The following CPED1 variants were observed in gnomAD, a reference collection of about 807,000 sequenced individuals.
CPED1 encodes the protein cadherin like and PC-esterase domain containing 1, also known as cadherin-like and PC-esterase domain-containing protein 1.
A neutral mutation model predicts 128.2 loss-of-function variants in CPED1; 114 were observed. That is an observed-to-expected ratio of 0.89 (90% confidence interval 0.76 to 1.04). CPED1 has a LOEUF of 1.04. Ranked by LOEUF, CPED1 falls within the 50% of genes least tolerant of loss-of-function variation. CPED1 has a pLI of 0.00. For synonymous variants in CPED1, 462 were observed against 426.7 expected (o/e 1.08, Z -1.02); for missense variants, 1,211 against 1,207.1 (o/e 1.00, Z -0.05).
At chr7:121,123,066 G>A (rs1429991216) in intron 7 of CPED1, among the ~76,000 whole-genome samples, 1 of 152,122 alleles carries the variant, frequency 6.6e-6, no homozygotes, top group Non-Finnish European at 1.5e-5. Context: ...ACTCTGCTTT[G>A]AATCAAGGGT....
chr7:121,094,308 TATTA>T (rs918618510), intron 5 of CPED1, among the ~76,000 whole-genome samples: 8 of 152,306 alleles, frequency 5.3e-5, no homozygotes, highest in South Asian at 2.1e-4. Context: ...ATTACTTCCC[TATTA>T]ATTATTAGTT....
intron 9 of CPED1, among the ~76,000 whole-genome samples, chr7:121,126,501 A>G (rs150828136): frequency 6.6e-6 from 1 of 152,228 alleles, no homozygotes; most frequent in African/African-American, 2.4e-5. Context: ...AAATTAGTCT[A>G]TAGAAAGTTC....
intron 16 of CPED1, among the ~76,000 whole-genome samples, chr7:121,202,800 G>A (rs1325987270): frequency 6.6e-6 from 1 of 152,048 alleles, no homozygotes; most frequent in Non-Finnish European, 1.5e-5. Context: ...GCCTGATTGG[G>A]AAATAATTAA....
In CPED1 at chr7:121,266,463, A is replaced by G; in HGVS notation, c.2531+16A>G. ...TCTTGCAAAGGTACAATGAAACTAT[A>G]ATGAAAGACACAAAACCCACAAAGT... is the stretch of plus-strand genomic sequence containing the variant. On this transcript the variant is annotated intron_variant, in intron 19 of 22. Transcript: ENST00000310396. 1.9e-6 allele frequency: 3 copies of G among 1,593,124 alleles called. No individual in the cohort carries two copies. The highest frequency in any genetic ancestry group is 2.6e-6 in the Non-Finnish European group (3 of 1,161,344).
chr7:121,123,896 A>G (rs1332317225), intron 7 of CPED1, among the ~76,000 whole-genome samples: 1 of 152,214 alleles, frequency 6.6e-6, no homozygotes, highest in African/African-American at 2.4e-5. Context: ...TTCATACTTT[A>G]ACATGACTTT....
At chr7:121,136,151 GA>G (rs201053827) in intron 14 of CPED1, 61 bp downstream of exon 14, 98 of 1,441,208 alleles carry the variant, frequency 6.8e-5, no homozygotes, top group South Asian at 8.5e-5. Context: ...GCCTTACTTT[GA>G]AAAAAAATGC....
chr7:121,260,602 G>A (rs746357926), intron 18 of CPED1, among the ~76,000 whole-genome samples: 2 of 151,596 alleles, frequency 1.3e-5, no homozygotes, highest in Non-Finnish European at 2.9e-5. Context: ...CTTGGCTCTG[G>A]ACCTAGATGT....
intron 8 of CPED1, 46 bp downstream of exon 8, chr7:121,124,519 C>A (rs798948): frequency 0.9 from 1,187,411 of 1,322,402 alleles, 533,691 homozygotes; most frequent in East Asian, 0.96. Context: ...AGAAAGAAAG[C>A]AACCTATCTT....
At chr7:121,128,530 T>TA (rs1338217750) in intron 11 of CPED1, 44 bp downstream of exon 11, 1 of 994,712 alleles carries the variant, frequency 1.0e-6, no homozygotes, top group African/African-American at 1.6e-5. Flanking sequence ...TGACTGGGAT[T>TA]AGAGTAGATC....
chr7:121,182,818 G>A (rs943547762), intron 16 of CPED1, among the ~76,000 whole-genome samples: 10 of 151,930 alleles, frequency 6.6e-5, no homozygotes, highest in Non-Finnish European at 1.3e-4. Context: ...GTGTCATTGC[G>A]AACATTAATT....
chr7:121,270,418 G>C (rs1481366256), intron 21 of CPED1, among the ~76,000 whole-genome samples: 1 of 151,956 alleles, frequency 6.6e-6, no homozygotes, highest in East Asian at 1.9e-4. Flanking sequence ...TTTTGGTTTT[G>C]GTACAATTGT....
At chr7:121,255,048 A>G (rs542487167) in intron 18 of CPED1, among the ~76,000 whole-genome samples, 3 of 152,232 alleles carry the variant, frequency 2.0e-5, no homozygotes, top group African/African-American at 7.2e-5. Context: ...ATTCCTCCTT[A>G]ACTCATTCTA....
intron 18 of CPED1, among the ~76,000 whole-genome samples, chr7:121,261,203 TTTAAA>T (rs1486620775): frequency 6.6e-6 from 1 of 152,108 alleles, no homozygotes; most frequent in African/African-American, 2.4e-5. Context: ...TCATTGTACA[TTTAAA>T]TTAAAAGTTC....
chr7:121,216,008 G>A (rs1452682460), intron 16 of CPED1, among the ~76,000 whole-genome samples: 3 of 151,926 alleles, frequency 2.0e-5, no homozygotes, highest in Admixed American at 6.6e-5. Context: ...TAAGCAACTT[G>A]CCCAAGACCA....
At chr7:121,191,140 G>A (rs1797127512) in intron 16 of CPED1, among the ~76,000 whole-genome samples, 1 of 151,992 alleles carries the variant, frequency 6.6e-6, no homozygotes, top group Non-Finnish European at 1.5e-5. Context: ...AGGTGCTTGG[G>A]GGAAAAAAGT....
chr7:121,128,945 T>A (rs967262541), intron 11 of CPED1, among the ~76,000 whole-genome samples: 2 of 152,034 alleles, frequency 1.3e-5, no homozygotes, highest in African/African-American at 4.8e-5. Context: ...CTTATAACTC[T>A]ATATCAAACT....
chr7:121,293,134 C>T (rs1434301963), intron 22 of CPED1, among the ~76,000 whole-genome samples: 6 of 152,184 alleles, frequency 3.9e-5, no homozygotes, highest in African/African-American at 1.4e-4. Flanking sequence ...GCCCCTTCCC[C>T]CAGGTGCTCT....
chr7:120,991,297 C>A (rs1796305822), intron 2 of CPED1, among the ~76,000 whole-genome samples: 1 of 152,150 alleles, frequency 6.6e-6, no homozygotes. Context: ...GAAACTGCAA[C>A]TGAAATTGTA....
intron 7 of CPED1, among the ~76,000 whole-genome samples, chr7:121,109,295 G>A (rs980746401): frequency 3.9e-5 from 6 of 152,094 alleles, no homozygotes; most frequent in Admixed American, 3.3e-4. Context: ...TGCCTATAGG[G>A]CGGTCATTCT....
Sources: allele counts gnomAD v4.1 joint callset (sites outside exome capture counted in the v4.1 genomes callset), GRCh38; gene constraint gnomAD v4.1.1; transcripts MANE v1.5; gene names NCBI Gene and HGNC (gene_info 2026-07-23, HGNC 2026-07-21).